CIAO3: variants seen among roughly 807,000 people sequenced by gnomAD.
CIAO3 encodes LET1 like/JFP15.
A neutral mutation model predicts 51.5 loss-of-function variants in CIAO3; 45 were observed. That is an observed-to-expected ratio of 0.87 (90% CI 0.69 to 1.12). CIAO3 has a LOEUF of 1.12. Among genes scored for constraint, CIAO3 ranks in the 50% most tolerant of loss-of-function variants. The pLI, the probability that CIAO3 is intolerant of heterozygous loss-of-function variation, is 0.00. For missense variants in CIAO3, 668 were observed against 632.5 expected, an observed-to-expected ratio of 1.06 and a Z score of -0.60; for synonymous variants, 314 against 269.3, an observed-to-expected ratio of 1.17 and a Z score of -1.63.
In CIAO3 at chr16:737,363, C is replaced by T. The variant is rs751418991; in HGVS notation, c.163-34G>A. The T allele has an allele frequency of 3.7e-6, 6 of 1,611,000 alleles. No homozygotes were observed. The Admixed American group carries it at 8.3e-5, about 22-fold the overall frequency. On this transcript the variant is annotated intron_variant, in intron 2 of 10. Transcript: ENST00000251588. The surrounding 1 kb of genome is among the most constrained non-coding windows in gnomAD (Gnocchi z 5.3). ...GAGAAGAACCCGGTGCACAGGGGCC[C>T]CCTCTGCACGAGGACATGGAGACAG...
chr16:730,161 C>T lies in CIAO3; in HGVS notation c.*256G>A. ...GGGCCTCGGCCCAGGGCCAACGGAA[C>T]AGGCTCTGGGACCTCAGGGAACCTT... On this transcript the variant is annotated 3_prime_UTR_variant, in exon 11 of 11. Coordinates refer to ENST00000251588, the MANE Select transcript of CIAO3 (RefSeq NM_022493.3). 1 of 571,508 alleles carries T rather than the reference C, an allele frequency of 1.7e-6. No individual in the cohort carries two copies. Among genetic ancestry groups the T allele is most frequent in the Non-Finnish European group, 3.1e-6 (1 of 319,778 alleles). 35.4% of individuals were successfully genotyped at this position (571,508 alleles called of 1,614,324 possible).
rs576415129 is a variant in CIAO3 at position 740,037 on chromosome 16, G to A, written c.67-299C>T. The A allele has an allele frequency of 2.3e-5, 32 of 1,414,726 alleles. No homozygotes were observed. In the East Asian group the frequency reaches 9.2e-4, roughly 41 times the overall value. 87.6% of individuals were successfully genotyped at this position (1,414,726 alleles called of 1,614,324 possible). A position where few individuals can be genotyped will look rare whatever the true frequency, so the allele number is the denominator to read the frequency against. ...CAACACTGACCTTCACCCTTCACGT[G>A]AACAGGGGGCGTGACCACCACAGAG... is the stretch of plus-strand genomic sequence containing the variant. On this transcript the variant is annotated intron_variant, in intron 1 of 10. Transcript: ENST00000251588.
In CIAO3 at chr16:734,404, A is replaced by C. The variant is rs575660378; in HGVS notation, c.575-57T>G. On this transcript the variant is annotated intron_variant, in intron 5 of 10. Transcript: ENST00000251588. ...GGGGCGCACGGCGGCCCCCGCACCCACAGGCAGCAGCACGACATTCTGGGG... is the reference window on the plus strand; with the variant it reads ...GGGGCGCACGGCGGCCCCCGCACCCCCAGGCAGCAGCACGACATTCTGGGG... 169 of 1,288,606 alleles carry C rather than the reference A, an allele frequency of 1.3e-4. 2 individuals are homozygous for C. The African/African-American group carries it at 1.9e-3, about 15-fold the overall frequency. The allele number at this position is 1,288,606 out of a possible 1,614,324, so 79.8% of individuals were successfully genotyped here.
At chr16:734,934 G>A (rs1171461089) in intron 4 of CIAO3, 63 bp from the exon 5 acceptor site, 1 of 1,479,454 alleles carries the variant, frequency 6.8e-7, no homozygotes, top group Non-Finnish European at 8.9e-7. Flanking sequence ...GCACACGCCG[G>A]CGTGTGGACC....
At position 735,033 on chromosome 16, in the gene CIAO3, C is replaced by T. The variant is rs11862809; in HGVS notation, c.440-162G>A. The stretch of plus-strand genomic sequence containing the variant: ...GTGGGGACCTCCTAAAGCCACGTTG[C>T]GCCAAAGCCCCAGCCCCACTGTGGG... On this transcript the variant is annotated intron_variant, in intron 4 of 10. Coordinates refer to ENST00000251588, the MANE Select transcript of CIAO3 (RefSeq NM_022493.3). The T allele has an allele frequency of 0.012, 11,181 of 956,302 alleles. 909 individuals are homozygous for T. In the African/African-American group the frequency reaches 0.17, roughly 15 times the overall value. 59.2% of individuals were successfully genotyped at this position (956,302 alleles called of 1,614,324 possible). A position where few individuals can be genotyped will look rare whatever the true frequency, so the allele number is the denominator to read the frequency against.
chr16:737,489 C>A lies in CIAO3; in HGVS notation c.163-160G>T. 1 of 1,517,756 alleles carries A rather than the reference C, an allele frequency of 6.6e-7. No homozygotes were observed. 94.0% of individuals were successfully genotyped at this position (1,517,756 alleles called of 1,614,324 possible). A position where few individuals can be genotyped will look rare whatever the true frequency, so the allele number is the denominator to read the frequency against. On this transcript the variant is annotated intron_variant, in intron 2 of 10. Transcript: ENST00000251588. The surrounding 1 kb of genome is among the most constrained non-coding windows in gnomAD (Gnocchi z 5.3). ...AAATTAGGTATGTATTACAAAAATGCACACGCACGCTCTACAGTTTCATAA... is the reference window on the plus strand; with the variant it reads ...AAATTAGGTATGTATTACAAAAATGAACACGCACGCTCTACAGTTTCATAA...
intron 2 of CIAO3, among the ~76,000 whole-genome samples, chr16:738,638 C>G (rs2041362867): frequency 6.6e-6 from 1 of 151,312 alleles, no homozygotes; most frequent in Non-Finnish European, 1.5e-5. Context: ...AGGCCTGAGC[C>G]ACCGCGCCAG....
intron 2 of CIAO3, among the ~76,000 whole-genome samples, chr16:738,933 C>T (rs549488250): frequency 2.0e-5 from 3 of 150,526 alleles, no homozygotes; most frequent in African/African-American, 4.9e-5. Context: ...CGTGAGCCAC[C>T]GCGCCCAGCC....
chr16:734,829 C>A lies in CIAO3; in HGVS notation c.482G>T (p.Ser161Ile), dbSNP rs2151602274. Residue 161 changes from serine (S) to isoleucine (I), a missense_variant, in exon 5 of 11, where the codon AGC becomes ATC. By Grantham distance (142) the Ser-to-Ile change is moderately radical (BLOSUM62 -2). Coordinates refer to ENST00000251588, the MANE Select transcript of CIAO3 (RefSeq NM_022493.3). ...AAACTCTCGCTGGCTCTCCAGGAGGCTGAAGTGCCTTGAGAAGGCGGTGTC... is the reference window on the plus strand; with the variant it reads ...AAACTCTCGCTGGCTCTCCAGGAGGATGAAGTGCCTTGAGAAGGCGGTGTC... ...VFDTAFSRHFSLLESQREFVR... is the reference protein window; with the variant it reads ...VFDTAFSRHFILLESQREFVR... 6.3e-7 allele frequency: 1 copy of A among 1,593,040 alleles called. No individual in the cohort carries two copies. The highest frequency in any genetic ancestry group is 2.2e-5 in the East Asian group (1 of 44,482).
At chr16:735,087 T>C (rs2041324938) in intron 4 of CIAO3, 1 of 563,924 alleles carries the variant, frequency 1.8e-6, no homozygotes, top group Admixed American at 3.6e-5. Context: ...TGCCTCGGCA[T>C]CCCCTGTGAA....
At chr16:730,696 C>A (rs2041266135) in intron 10 of CIAO3, 41 bp from the exon 11 acceptor site, 2 of 1,592,152 alleles carry the variant, frequency 1.3e-6, no homozygotes, top group Non-Finnish European at 1.7e-6. Flanking sequence ...AGCCTGCGCC[C>A]CAGCCAAGCT....
At chr16:735,030 T>TTG (rs2041324416) in intron 4 of CIAO3, 159 bp from the exon 5 acceptor site, 2 of 1,003,796 alleles carry the variant, frequency 2.0e-6, no homozygotes, top group African/African-American at 3.3e-5. Flanking sequence ...TAAAGCCACG[T>TTG]TGCGCCAAAG....
chr16:733,266 T>C (rs1567343968), intron 7 of CIAO3, 32 bp downstream of exon 7: 1 of 1,610,290 alleles, frequency 6.2e-7, no homozygotes, highest in Non-Finnish European at 8.5e-7. Flanking sequence ...CCAGGAGGCT[T>C]GAGGGCTCAG....
intron 5 of CIAO3, 89 bp downstream of exon 5, chr16:734,648 T>G (rs1355443138): frequency 6.2e-7 from 1 of 1,603,240 alleles, no homozygotes; most frequent in Admixed American, 1.7e-5. Context: ...CCACCCCCCA[T>G]GCCCCCGCCT....
chr16:730,421 C>T lies in CIAO3; in HGVS notation c.1427G>A (p.Trp476Ter). 6.2e-7 allele frequency: 1 copy of T among 1,601,200 alleles called. No homozygotes were observed. ...GGAGTCCTGGTCCTGCAGCCCCTACCACCGGATGCCCAGGCCAGTGCTGGC... is the reference window on the plus strand; with the variant it reads ...GGAGTCCTGGTCCTGCAGCCCCTACTACCGGATGCCCAGGCCAGTGCTGGC... ...EKASTGLGIR[W>*] Residue 476 changes from tryptophan (W) to a stop codon, truncating the protein, a stop_gained, in exon 11 of 11, where the codon TGG (tryptophan) becomes TAG (stop). Coordinates refer to ENST00000251588, the MANE Select transcript of CIAO3 (RefSeq NM_022493.3). LOFTEE classifies it high-confidence loss of function.
intron 4 of CIAO3, among the ~76,000 whole-genome samples, chr16:735,904 C>T (rs1003533788): frequency 3.3e-5 from 5 of 152,214 alleles, no homozygotes; most frequent in African/African-American, 4.8e-5. Flanking sequence ...TCAAGACACC[C>T]AGATCCTCCC....
rs2041314624 is a variant in CIAO3 at position 734,256 on chromosome 16, C to T, written c.666G>A (p.Leu222=). 4 of 1,612,100 alleles carry T rather than the reference C, an allele frequency of 2.5e-6. No individual in the cohort carries two copies. Among genetic ancestry groups the T allele is most frequent in the East Asian group, 2.2e-5 (1 of 44,876 alleles). Reference sequence around the variant, plus strand: ...GCTGCTGGGCGAAGAAGTCCTTGACCAGGGAGCCCATGACCTGCTGCGGGG... The same window carrying T: ...GCTGCTGGGCGAAGAAGTCCTTGACTAGGGAGCCCATGACCTGCTGCGGGG... ...ARSPQQVMGS[L]VKDFFAQQQH... Residue 222 remains leucine (L), a synonymous_variant, in exon 6 of 11, where the codon CTG becomes CTA. Coordinates refer to ENST00000251588, the MANE Select transcript of CIAO3 (RefSeq NM_022493.3).
chr16:739,024 G>A (rs990087842), intron 2 of CIAO3, among the ~76,000 whole-genome samples: 6 of 149,242 alleles, frequency 4.0e-5, no homozygotes, highest in Admixed American at 3.3e-4. Flanking sequence ...TGGGCTGGGC[G>A]CGGTGGCTCA....
intron 9 of CIAO3, 182 bp downstream of exon 9, chr16:731,383 G>T (rs2041280036): frequency 1.2e-6 from 1 of 815,082 alleles, no homozygotes; most frequent in Non-Finnish European, 1.8e-6. Context: ...GGAGTGCTTA[G>T]GTGCCTTCAC....
Sources: gnomAD v4.1 joint callset for allele counts (sites outside exome capture counted in the v4.1 genomes callset) on GRCh38, gnomAD v4.1.1 for gene constraint, Gnocchi (gnomAD v3.1) non-coding constraint, MANE v1.5 for transcripts, NCBI Gene and HGNC (gene_info 2026-07-23, HGNC 2026-07-21) for gene names.